The following ABCA3 variants were observed in gnomAD, a reference collection of about 807,000 sequenced individuals.
The protein encoded by ABCA3 is ATP binding cassette subfamily A member 3, also known as phospholipid-transporting ATPase ABCA3.
ABCA3 carries 88 observed loss-of-function variants against 172.8 expected under a neutral mutation model. That is an observed-to-expected ratio of 0.51 (90% CI 0.43 to 0.61). The LOEUF is 0.61. ABCA3 is among the 20% of genes least tolerant of loss of function. The pLI, the probability that ABCA3 is intolerant of heterozygous loss-of-function variation, is 0.00. For missense variants in ABCA3, 2,164 were observed against 2,301.0 expected (o/e 0.94, Z 1.22); for synonymous variants, 1,066 against 983.8 (o/e 1.08, Z -1.56).
intron 17 of ABCA3, 63 bp from the exon 18 acceptor site, chr16:2,295,803 C>T (rs1163918112): frequency 8.7e-6 from 14 of 1,609,444 alleles, no homozygotes; most frequent in Admixed American, 6.7e-5. Flanking sequence ...ATGCCCACCC[C>T]GGGGTCTCTA....
chr16:2,334,984 A>G (rs1339607910), intron 1 of ABCA3, among the ~76,000 whole-genome samples: 1 of 149,588 alleles, frequency 6.7e-6, no homozygotes, highest in Non-Finnish European at 1.5e-5. Context: ...ACTCGCCACC[A>G]CGCCCAGCTA....
In ABCA3 at chr16:2,287,046, C is replaced by T; in HGVS notation, c.3005-79G>A. 6.6e-7 allele frequency: 1 copy of T among 1,515,588 alleles called. No individual in the cohort carries two copies. Among genetic ancestry groups the T allele is most frequent in the East Asian group, 2.4e-5 (1 of 41,704 alleles). The allele number at this position is 1,515,588 out of a possible 1,614,324, so 93.9% of individuals were successfully genotyped here. A position where few individuals can be genotyped will look rare whatever the true frequency, so the allele number is the denominator to read the frequency against. On this transcript the variant is annotated intron_variant, in intron 21 of 32. Coordinates refer to ENST00000301732, the MANE Select transcript of ABCA3 (RefSeq NM_001089.3). The surrounding 1 kb of genome is among the most constrained non-coding windows in gnomAD (Gnocchi z 4.1). ...CCCCTGCCACCTGAGCATGGCTAAT[C>T]AGGGACCCAATAGAGTGGTGCCAGC...
intron 26 of ABCA3, among the ~76,000 whole-genome samples, chr16:2,282,600 C>G (rs1233478363): frequency 6.6e-6 from 1 of 152,012 alleles, no homozygotes; most frequent in Non-Finnish European, 1.5e-5. Context: ...ACATCCCCTC[C>G]TCCGGGCACT....
Position 2,319,768 on chromosome 16 carries a change from G to C in ABCA3, c.686C>G (p.Ala229Gly). The C allele has an allele frequency of 1.9e-6, 3 of 1,614,048 alleles. No homozygotes were observed. The highest frequency in any genetic ancestry group is 2.5e-6 in the Non-Finnish European group (3 of 1,180,032). The change falls in exon 8 of 33, where the codon GCC becomes GGC. Residue 229 changes from alanine (A) to glycine (G), a missense_variant. By Grantham distance (60) the Ala-to-Gly change is moderately conservative (BLOSUM62 0). Coordinates refer to ENST00000301732, the MANE Select transcript of ABCA3 (RefSeq NM_001089.3). ...TCTCTGGAACAGCTGGCGTGTGGCGGCATCGGCATGGTACTCCATGATGGC... is the reference window on the plus strand; with the variant it reads ...TCTCTGGAACAGCTGGCGTGTGGCGCCATCGGCATGGTACTCCATGATGGC... Reference protein sequence around the residue: ...DRAIMEYHADAATRQLFQRLT... With the variant: ...DRAIMEYHADGATRQLFQRLT...
At position 2,284,987 on chromosome 16, in the gene ABCA3, C is replaced by T; in HGVS notation, c.3495G>A (p.Lys1165=). ...IPSLLLLVVF[K]AFDVRAFTRD... ...GCGTGAAGGCACGCACGTCGAAGGC[C>T]TTAAACACCACCTGCGGCGGCACAG... Residue 1165 remains lysine (K), a synonymous_variant, in exon 24 of 33, where the codon AAG becomes AAA. Transcript: ENST00000301732. The surrounding 1 kb of genome is among the most constrained non-coding windows in gnomAD (Gnocchi z 5.9). 6.2e-7 allele frequency: 1 copy of T among 1,613,234 alleles called. No individual in the cohort carries two copies. Among genetic ancestry groups the T allele is most frequent in the East Asian group, 2.2e-5 (1 of 44,854 alleles).
chr16:2,326,754 G>A (rs1434198982), intron 3 of ABCA3, among the ~76,000 whole-genome samples: 3 of 152,198 alleles, frequency 2.0e-5, no homozygotes, highest in South Asian at 2.1e-4. Context: ...TTGGGAGGCC[G>A]AGGCAGGTGG....
At chr16:2,319,559 G>A (rs769332934) in intron 8 of ABCA3, 22 bp downstream of exon 8, 5 of 1,607,494 alleles carry the variant, frequency 3.1e-6, no homozygotes, top group Admixed American at 1.7e-5. Context: ...TAGAGTGTTG[G>A]GGAGCCAAAG....
In ABCA3 at chr16:2,283,847, C is replaced by A. The variant is rs566251070; in HGVS notation, c.3862+432G>T. The A allele has an allele frequency of 1.7e-5, 4 of 237,778 alleles. No individual in the cohort carries two copies. Among genetic ancestry groups the A allele is most frequent in the Non-Finnish European group, 3.3e-5 (4 of 120,688 alleles). The allele number at this position is 237,778 out of a possible 1,614,324, so 14.7% of individuals were successfully genotyped here. ...GGCCTTAAACCCAACAGCAAGTGTCCTTATAAGAGAAATGCAGAAGGAGAT... is the reference window on the plus strand; with the variant it reads ...GGCCTTAAACCCAACAGCAAGTGTCATTATAAGAGAAATGCAGAAGGAGAT... On this transcript the variant is annotated intron_variant, in intron 25 of 32. Coordinates refer to ENST00000301732, the MANE Select transcript of ABCA3 (RefSeq NM_001089.3). The surrounding 1 kb of genome is among the most constrained non-coding windows in gnomAD (Gnocchi z 5.4).
At chr16:2,289,340 G>A (rs749164474) in intron 20 of ABCA3, 94 bp downstream of exon 20, 7 of 1,460,496 alleles carry the variant, frequency 4.8e-6, no homozygotes, top group Non-Finnish European at 6.5e-6. Context: ...CCCTGTTTGC[G>A]CCCTCGCAGA....
rs2093665907 is a variant in ABCA3, at chr16:2,288,098, G to A, written c.2932C>T (p.Leu978=). 1 of 1,613,546 alleles carries A rather than the reference G, an allele frequency of 6.2e-7. No homozygotes were observed. The highest frequency in any genetic ancestry group is 1.7e-5 in the Admixed American group (1 of 59,976). ...AGATGCTCTGACAGCTGCTGACCCA[G>A]CTGGGAGGTCCCGGGAACTGAGAAG... is the stretch of plus-strand genomic sequence containing the variant. ...VPFSVPGTSQ[L]GQQLSEHLKD... is the part of the protein sequence containing the mutation. The change falls in exon 21 of 33, where the codon CTG becomes TTG. Residue 978 remains leucine (L), a synonymous_variant. Coordinates refer to ENST00000301732, the MANE Select transcript of ABCA3 (RefSeq NM_001089.3).
rs748576030 is a variant in ABCA3, at chr16:2,276,227, G to A, written c.*447C>T. ...GTGATCTGCATGGTCCATTCCTGGC[G>A]GCCTGGGGGCCTCGCTACAGTTCAA... On this transcript the variant is annotated 3_prime_UTR_variant, in exon 33 of 33. Transcript: ENST00000301732. 32 of 444,122 alleles carry A rather than the reference G, an allele frequency of 7.2e-5. No homozygotes were observed. The highest frequency in any genetic ancestry group is 6.6e-4 in the Middle Eastern group (2 of 3,020). The allele number at this position is 444,122 out of a possible 1,614,324, so 27.5% of individuals were successfully genotyped here.
chr16:2,289,404 C>CCCCCCCCCCCCCCCCCCCCGGG, intron 20 of ABCA3, 30 bp downstream of exon 20: 1 of 1,555,380 alleles, frequency 6.4e-7, no homozygotes, highest in Non-Finnish European at 8.7e-7. Context: ...GCCCTTCCCC[C>CCCCCCCCCCCCCCCCCCCCGGG]GCCACCCGCC....
chr16:2,340,489 G>C (rs2093759202), intron 1 of ABCA3, 84 bp downstream of exon 1: 1 of 150,210 alleles, frequency 6.7e-6, no homozygotes, highest in Admixed American at 6.6e-5. Context: ...CGAGCTGGCC[G>C]GCGAGGGTGG....
intron 28 of ABCA3, 43 bp downstream of exon 28, chr16:2,280,984 C>T (rs772585636): frequency 1.9e-6 from 3 of 1,613,320 alleles, no homozygotes; most frequent in Middle Eastern, 3.3e-4. Context: ...CCCCTCCAGC[C>T]ATGCCTGTCT....
chr16:2,278,886 T>C lies in ABCA3; in HGVS notation c.4547+57A>G, dbSNP rs567690006. On this transcript the variant is annotated intron_variant, in intron 29 of 32. Coordinates refer to ENST00000301732, the MANE Select transcript of ABCA3 (RefSeq NM_001089.3). The surrounding 1 kb of genome is among the most constrained non-coding windows in gnomAD (Gnocchi z 4.4). ...TGAGCGGTCACTCCCAGCTCTATGC[T>C]ATGGGGACCTTGATTCTGACTCCAC... 2.5e-5 allele frequency: 40 copies of C among 1,609,472 alleles called. No homozygotes were observed. The highest frequency in any genetic ancestry group is 1.7e-4 in the Middle Eastern group (1 of 6,060).
rs45462800 is a variant in ABCA3, at chr16:2,285,133, GCCA to G, written c.3484-138_3484-136del. The G allele has an allele frequency of 7.4e-3, 7,537 of 1,018,348 alleles. 329 individuals carry two copies. In the African/African-American group the frequency reaches 0.098, roughly 13 times the overall value. 63.1% of individuals were successfully genotyped at this position (1,018,348 alleles called of 1,614,324 possible). ...TGGCCCATGTCCATCAGCCCCACAG[GCCA>G]CGTCTGGCCCCCGCGGTGGCTTTCA... On this transcript the variant is annotated intron_variant, in intron 23 of 32. Coordinates refer to ENST00000301732, the MANE Select transcript of ABCA3 (RefSeq NM_001089.3). The surrounding 1 kb of genome is among the most constrained non-coding windows in gnomAD (Gnocchi z 4.7).
Position 2,277,797 on chromosome 16 carries a change from A to G in ABCA3, c.4909+82T>C. On this transcript the variant is annotated intron_variant, in intron 31 of 32. Coordinates refer to ENST00000301732, the MANE Select transcript of ABCA3 (RefSeq NM_001089.3). The surrounding 1 kb of genome is among the most constrained non-coding windows in gnomAD (Gnocchi z 5.3). ...GATGGGACTTGGCGGGGCGAGGCAC[A>G]GACGCTCCGCACAGCAGATGGGAGA... 6.3e-7 allele frequency: 1 copy of G among 1,593,916 alleles called. No homozygotes were observed. Among genetic ancestry groups the G allele is most frequent in the Non-Finnish European group, 8.5e-7 (1 of 1,169,844 alleles).
intron 5 of ABCA3, among the ~76,000 whole-genome samples, chr16:2,325,595 T>C (rs1346006900): frequency 6.6e-6 from 1 of 152,222 alleles, no homozygotes; most frequent in East Asian, 1.9e-4. Context: ...GTCCCAAATA[T>C]CTGCTACTTT....
intron 17 of ABCA3, among the ~76,000 whole-genome samples, chr16:2,296,625 C>T (rs1034285425): frequency 6.6e-5 from 10 of 152,226 alleles, no homozygotes; most frequent in Non-Finnish European, 1.3e-4. Context: ...GCTAGTGAAA[C>T]TCTCAGAGGC....
Sources: gnomAD v4.1 joint callset for allele counts (sites outside exome capture counted in the v4.1 genomes callset) on GRCh38, gnomAD v4.1.1 for gene constraint, Gnocchi (gnomAD v3.1) non-coding constraint, MANE v1.5 for transcripts, NCBI Gene and HGNC (gene_info 2026-07-23, HGNC 2026-07-21) for gene names.